HS3ST5: variants seen among roughly 807,000 people sequenced by gnomAD.
HS3ST5 encodes the protein heparan sulfate glucosamine 3-O-sulfotransferase 5.
In HS3ST5, 10 loss-of-function variants were observed where a neutral mutation model predicts 25.4. The observed-to-expected ratio is 0.39, with a 90% CI of 0.24 to 0.67. The LOEUF is 0.67. Ranked by LOEUF, HS3ST5 falls within the 30% of genes least tolerant of loss-of-function variation. The probability of loss-of-function intolerance (pLI) is 0.44; values close to 1 mark genes in which losing one functional copy is unlikely to be tolerated. For missense variants in HS3ST5, 324 were observed against 420.7 expected, an observed-to-expected ratio of 0.77 and a Z score of 2.01; for synonymous variants, 170 against 162.4, an observed-to-expected ratio of 1.05 and a Z score of -0.36.
chr6:114,240,034 A>ACACACACG (rs1322767931), intron 1 of HS3ST5, among the ~76,000 whole-genome samples: 2 of 150,900 alleles, frequency 1.3e-5, no homozygotes, highest in African/African-American at 4.9e-5. Flanking sequence ...ACACACACAC[A>ACACACACG]CCGCTTACTC....
intron 3 of HS3ST5, among the ~76,000 whole-genome samples, chr6:114,126,963 G>C (rs1214550323): frequency 6.6e-6 from 1 of 152,132 alleles, no homozygotes; most frequent in Non-Finnish European, 1.5e-5. Context: ...AATCCTTCAT[G>C]GTCTAGGCTT....
At position 114,225,688 on chromosome 6, in the gene HS3ST5, A is replaced by G. The variant is rs150759561; in HGVS notation, c.-145+2897T>C. Among the ~76,000 whole-genome samples, 6 of 152,032 alleles carry G rather than the reference A, an allele frequency of 3.9e-5. No individual in the cohort carries two copies. The East Asian group carries it at 1.2e-3, about 29-fold the overall frequency. ...AAAGAATGTATCTAAAGCCTGTTTG[A>G]TAATTGTCATTGTGTTCCATATTCT... On this transcript the variant is annotated intron_variant, in intron 2 of 4. Transcript: ENST00000312719.
chr6:114,268,295 G>A (rs1219343078), intron 1 of HS3ST5, among the ~76,000 whole-genome samples: 1 of 152,108 alleles, frequency 6.6e-6, no homozygotes, highest in African/African-American at 2.4e-5. Context: ...CTTATTCTTG[G>A]AATAAGAAGC....
At chr6:114,292,060 A>G (rs1284874084) in intron 1 of HS3ST5, among the ~76,000 whole-genome samples, 1 of 151,896 alleles carries the variant, frequency 6.6e-6, no homozygotes, top group Non-Finnish European at 1.5e-5. Context: ...AAAATAAAAA[A>G]TGAAATAACA....
intron 1 of HS3ST5, among the ~76,000 whole-genome samples, chr6:114,277,864 T>C (rs1235073523): frequency 6.6e-6 from 1 of 152,038 alleles, no homozygotes; most frequent in East Asian, 1.9e-4. Context: ...GTCGAGGTTA[T>C]AGTTGTAATT....
intron 1 of HS3ST5, among the ~76,000 whole-genome samples, chr6:114,327,660 A>T (rs565119739): frequency 4.7e-5 from 7 of 150,330 alleles, no homozygotes; most frequent in Admixed American, 1.3e-4. Context: ...ATGCAACATC[A>T]TTTTTTTTTT....
At chr6:114,095,717 C>G (rs1775389371) in intron 3 of HS3ST5, among the ~76,000 whole-genome samples, 1 of 152,114 alleles carries the variant, frequency 6.6e-6, no homozygotes, top group South Asian at 2.1e-4. Context: ...GAATCTTATT[C>G]CCCCTCTAAT....
intron 3 of HS3ST5, among the ~76,000 whole-genome samples, chr6:114,104,992 C>G (rs1005611229): frequency 1.3e-5 from 2 of 152,008 alleles, no homozygotes; most frequent in African/African-American, 2.4e-5. Context: ...AAAGTTTGTG[C>G]TAATGACCTG....
chr6:114,211,675 C>A lies in HS3ST5; in HGVS notation c.-145+16910G>T, dbSNP rs185387197. On this transcript the variant is annotated intron_variant, in intron 2 of 4. Coordinates refer to ENST00000312719, the MANE Select transcript of HS3ST5 (RefSeq NM_153612.4). ...ATATCAGGGAAAAATGTATTAAAAC[C>A]AGCTTTCATTAATATATTCCTGAAT... Among the ~76,000 whole-genome samples the A allele has an allele frequency of 1.8e-3, 274 of 152,112 alleles. 1 individual carries two copies. Among genetic ancestry groups the A allele is most frequent in the African/African-American group, 6.4e-3 (264 of 41,496 alleles).
chr6:114,229,683 A>G (rs547299753), intron 1 of HS3ST5, among the ~76,000 whole-genome samples: 4 of 152,356 alleles, frequency 2.6e-5, no homozygotes, highest in South Asian at 2.1e-4. Flanking sequence ...CTCATAAGCT[A>G]TAAGAAGTAT....
At chr6:114,288,765 ATGAT>A (rs1185746432) in intron 1 of HS3ST5, among the ~76,000 whole-genome samples, 1 of 152,074 alleles carries the variant, frequency 6.6e-6, no homozygotes, top group African/African-American at 2.4e-5. Flanking sequence ...ATTCCCAGAA[ATGAT>A]TAGATGTTAG....
intron 1 of HS3ST5, among the ~76,000 whole-genome samples, chr6:114,335,824 T>C (rs1460788076): frequency 1.3e-5 from 2 of 152,062 alleles, no homozygotes; most frequent in African/African-American, 2.4e-5. Flanking sequence ...CAGCTAATTT[T>C]TGTATTTTTA....
intron 3 of HS3ST5, among the ~76,000 whole-genome samples, chr6:114,135,523 G>A (rs1777551771): frequency 6.6e-6 from 1 of 152,118 alleles, no homozygotes; most frequent in Non-Finnish European, 1.5e-5. Context: ...ACAGACAGGC[G>A]GGTGCCAGCA....
intron 1 of HS3ST5, among the ~76,000 whole-genome samples, chr6:114,265,922 T>C (rs992774473): frequency 6.6e-6 from 1 of 152,142 alleles, no homozygotes; most frequent in Admixed American, 6.5e-5. Flanking sequence ...CCCTGGGTGA[T>C]CTCTTTTGGA....
chr6:114,271,582 A>T (rs1411895706), intron 1 of HS3ST5, among the ~76,000 whole-genome samples: 1 of 151,954 alleles, frequency 6.6e-6, no homozygotes, highest in African/African-American at 2.4e-5. Context: ...TTAAAGCAAA[A>T]ATCTAGTTTA....
intron 1 of HS3ST5, among the ~76,000 whole-genome samples, chr6:114,249,060 C>T (rs1174173253): frequency 6.6e-6 from 1 of 152,194 alleles, no homozygotes; most frequent in Non-Finnish European, 1.5e-5. Flanking sequence ...AAAAGTGCTA[C>T]CCAGTTTCTC....
chr6:114,296,769 G>A (rs1225274337), intron 1 of HS3ST5, among the ~76,000 whole-genome samples: 1 of 152,122 alleles, frequency 6.6e-6, no homozygotes, highest in Non-Finnish European at 1.5e-5. Context: ...TGATACTCAA[G>A]ACGACAAGAC....
chr6:114,167,850 G>C (rs1309977851), intron 3 of HS3ST5, among the ~76,000 whole-genome samples: 1 of 152,192 alleles, frequency 6.6e-6, no homozygotes, highest in Non-Finnish European at 1.5e-5. Context: ...AGGAAATAAT[G>C]GGGATGAGGA....
intron 1 of HS3ST5, among the ~76,000 whole-genome samples, chr6:114,327,845 GT>G (rs1187856352): frequency 6.6e-6 from 1 of 152,166 alleles, no homozygotes; most frequent in Non-Finnish European, 1.5e-5. Context: ...AGAATTGCTA[GT>G]TTTAGTCATC....
Sources: allele counts gnomAD v4.1 joint callset (sites outside exome capture counted in the v4.1 genomes callset), GRCh38; gene constraint gnomAD v4.1.1; transcripts MANE v1.5; gene names NCBI Gene and HGNC (gene_info 2026-07-23, HGNC 2026-07-21).